Variants in PPARGC1A observed in about 807,000 individuals in gnomAD.
The protein encoded by PPARGC1A is PPARG coactivator 1 alpha, also known as peroxisome proliferator-activated receptor gamma coactivator 1-alpha.
PPARGC1A carries 25 observed loss-of-function variants against 88.7 expected under a neutral mutation model. That is an observed-to-expected ratio of 0.28 (90% CI 0.21 to 0.39). The LOEUF (loss-of-function observed/expected upper bound fraction) is 0.39. Among genes scored for constraint, PPARGC1A ranks in the 10% least tolerant of loss-of-function variants. The pLI is 1.00. For synonymous variants in PPARGC1A, 363 were observed against 355.6 expected (o/e 1.02, Z -0.24); for missense variants, 880 against 968.7 (o/e 0.91, Z 1.22).
chr4:24,074,233 C>A, the PPARGC1A span, among the ~76,000 whole-genome samples: 1 of 152,156 alleles, frequency 6.6e-6, no homozygotes, highest in Non-Finnish European at 1.5e-5. Context: ...CCTGTGTGAG[C>A]TTGGACACCC....
chr4:24,183,094 G>A, the PPARGC1A span, among the ~76,000 whole-genome samples: 2 of 152,270 alleles, frequency 1.3e-5, no homozygotes, highest in South Asian at 2.1e-4. Context: ...ATGTAATGAG[G>A]ACCAGATGGA....
At chr4:23,896,116 GA>G (rs1718572991) in intron 1 of PPARGC1A, among the ~76,000 whole-genome samples, 2 of 151,936 alleles carry the variant, frequency 1.3e-5, no homozygotes, top group Non-Finnish European at 2.9e-5. Flanking sequence ...CTATAATCAT[GA>G]AAAGTTTACC....
the PPARGC1A span, among the ~76,000 whole-genome samples, chr4:24,217,015 T>C: frequency 1.3e-4 from 20 of 152,312 alleles, no homozygotes; most frequent in East Asian, 2.1e-3. Flanking sequence ...TATGTCTGCA[T>C]CTCACTTACA....
the PPARGC1A span, among the ~76,000 whole-genome samples, chr4:24,450,909 C>G: frequency 4.4e-3 from 672 of 152,312 alleles, 9 homozygotes; most frequent in African/African-American, 0.015. Context: ...ACAGATGCCT[C>G]TTCTGTTATG....
the PPARGC1A span, among the ~76,000 whole-genome samples, chr4:24,189,563 C>A: frequency 1.3e-5 from 2 of 152,144 alleles, no homozygotes; most frequent in Non-Finnish European, 2.9e-5. Context: ...TTCCAGGAAG[C>A]CTTCCCTAAT....
chr4:23,913,787 A>C, the PPARGC1A span, among the ~76,000 whole-genome samples: 2 of 152,104 alleles, frequency 1.3e-5, no homozygotes, highest in Non-Finnish European at 2.9e-5. Flanking sequence ...GTATTAACCC[A>C]AACTATTTGA....
At chr4:24,394,388 C>T in the PPARGC1A span, among the ~76,000 whole-genome samples, 1 of 152,148 alleles carries the variant, frequency 6.6e-6, no homozygotes, top group East Asian at 1.9e-4. Context: ...CTTGTATGGA[C>T]CCTGAAGTTC....
the PPARGC1A span, among the ~76,000 whole-genome samples, chr4:24,107,424 A>G: frequency 6.6e-6 from 1 of 151,980 alleles, no homozygotes; most frequent in Non-Finnish European, 1.5e-5. Flanking sequence ...ATACTCCAAG[A>G]CTCTTAATGA....
the PPARGC1A span, among the ~76,000 whole-genome samples, chr4:24,431,597 A>T: frequency 6.6e-6 from 1 of 152,194 alleles, no homozygotes; most frequent in Non-Finnish European, 1.5e-5. Context: ...CAGAGAGAAG[A>T]ACCAGAAAGA....
At chr4:24,444,125 G>C in the PPARGC1A span, among the ~76,000 whole-genome samples, 4 of 151,858 alleles carry the variant, frequency 2.6e-5, no homozygotes, top group Non-Finnish European at 4.4e-5. Context: ...CCGCCTCCCA[G>C]GGTTCAAGCG....
the PPARGC1A span, among the ~76,000 whole-genome samples, chr4:24,082,280 G>A: frequency 6.6e-5 from 10 of 152,214 alleles, no homozygotes; most frequent in African/African-American, 2.2e-4. Flanking sequence ...ATCAGGCAGT[G>A]ACCATCAAAA....
intron 10 of PPARGC1A, among the ~76,000 whole-genome samples, chr4:23,809,636 T>C (rs1720501063): frequency 6.6e-6 from 1 of 152,222 alleles, no homozygotes; most frequent in Non-Finnish European, 1.5e-5. Flanking sequence ...TAATATATTG[T>C]ATTGGTCTCA....
the PPARGC1A span, among the ~76,000 whole-genome samples, chr4:24,404,919 G>A: frequency 6.6e-6 from 1 of 152,104 alleles, no homozygotes; most frequent in African/African-American, 2.4e-5. Flanking sequence ...GCCCAAATAA[G>A]ACTCTGAAGA....
upstream of PPARGC1A, among the ~76,000 whole-genome samples, chr4:23,894,124 C>T (rs1230992893): frequency 6.6e-6 from 1 of 151,990 alleles, no homozygotes; most frequent in Non-Finnish European, 1.5e-5. Flanking sequence ...TAGCAAAGAC[C>T]CTGGAGGCAA....
the PPARGC1A span, among the ~76,000 whole-genome samples, chr4:24,060,831 G>A: frequency 8.5e-5 from 13 of 152,142 alleles, no homozygotes; most frequent in East Asian, 2.5e-3. Flanking sequence ...TTTAATGAGG[G>A]CTTACAACAT....
chr4:24,340,281 C>A, the PPARGC1A span, among the ~76,000 whole-genome samples: 2 of 152,096 alleles, frequency 1.3e-5, no homozygotes, highest in Non-Finnish European at 2.9e-5. Context: ...TTTTCTTTCC[C>A]AGTTATAAAC....
the PPARGC1A span, among the ~76,000 whole-genome samples, chr4:24,188,295 C>T: frequency 1.3e-5 from 2 of 152,046 alleles, no homozygotes; most frequent in African/African-American, 4.8e-5. Flanking sequence ...ATCCTAATAA[C>T]CGGTGCAGTA....
chr4:24,272,775 T>C, the PPARGC1A span, among the ~76,000 whole-genome samples: 1 of 152,328 alleles, frequency 6.6e-6, no homozygotes, highest in South Asian at 2.1e-4. Context: ...AGGAACTGTC[T>C]GAAACCACCA....
chr4:23,938,333 A>G, the PPARGC1A span, among the ~76,000 whole-genome samples: 1 of 152,232 alleles, frequency 6.6e-6, no homozygotes, highest in Non-Finnish European at 1.5e-5. Flanking sequence ...ATTTAGAAGT[A>G]AAAAATGCAC....
Sources: allele counts gnomAD v4.1 joint callset (sites outside exome capture counted in the v4.1 genomes callset), GRCh38; gene constraint gnomAD v4.1.1; transcripts MANE v1.5; gene names NCBI Gene and HGNC (gene_info 2026-07-23, HGNC 2026-07-21).